Variants in RALGPS2 observed in about 807,000 individuals in gnomAD.
RALGPS2 encodes ras-specific guanine nucleotide-releasing factor RalGPS2.
Under a neutral mutation model 86.8 loss-of-function variants are expected in RALGPS2, and 43 were observed. The observed-to-expected ratio is 0.50, with a 90% CI of 0.39 to 0.64. RALGPS2 has a LOEUF of 0.64. Among genes scored for constraint, RALGPS2 ranks in the 30% least tolerant of loss-of-function variants. The probability of loss-of-function intolerance (pLI) is 0.00; values close to 1 mark genes in which losing one functional copy is unlikely to be tolerated. For synonymous variants in RALGPS2, 243 were observed against 231.3 expected (o/e 1.05, Z -0.46); for missense variants, 536 against 694.6 (o/e 0.77, Z 2.57).
At chr1:178,751,704 G>C (rs1433649186) in intron 1 of RALGPS2, among the ~76,000 whole-genome samples, 1 of 152,152 alleles carries the variant, frequency 6.6e-6, no homozygotes, top group Non-Finnish European at 1.5e-5. Flanking sequence ...GCAGGAAGGA[G>C]TAAGTGTATC....
intron 1 of RALGPS2, among the ~76,000 whole-genome samples, chr1:178,749,715 G>A (rs1651542281): frequency 1.3e-5 from 2 of 152,144 alleles, no homozygotes; most frequent in Non-Finnish European, 2.9e-5. Context: ...GCTCCAGAAG[G>A]CTGATGGCTA....
At chr1:178,751,919 G>A (rs1651702403) in intron 1 of RALGPS2, among the ~76,000 whole-genome samples, 1 of 151,772 alleles carries the variant, frequency 6.6e-6, no homozygotes, top group Admixed American at 6.6e-5. Flanking sequence ...AGCAAAAAAC[G>A]TTTTTTTTCC....
At chr1:178,802,256 A>G (rs968496273) in intron 4 of RALGPS2, among the ~76,000 whole-genome samples, 1 of 152,194 alleles carries the variant, frequency 6.6e-6, no homozygotes, top group Non-Finnish European at 1.5e-5. Flanking sequence ...AAATACATTT[A>G]CAGTACTGTA....
intron 1 of RALGPS2, among the ~76,000 whole-genome samples, chr1:178,743,610 G>A (rs191249846): frequency 3.3e-5 from 5 of 152,226 alleles, no homozygotes; most frequent in East Asian, 3.9e-4. Context: ...TGGCAACATC[G>A]ATAAAATTGA....
intron 10 of RALGPS2, 94 bp downstream of exon 10, chr1:178,879,086 T>C (rs1659118526): frequency 6.7e-7 from 1 of 1,497,758 alleles, no homozygotes; most frequent in African/African-American, 1.4e-5. Flanking sequence ...CTACATGGTA[T>C]CATACAAAGG....
chr1:178,750,385 T>G (rs1247828956), intron 1 of RALGPS2, among the ~76,000 whole-genome samples: 1 of 152,238 alleles, frequency 6.6e-6, no homozygotes, highest in East Asian at 1.9e-4. Flanking sequence ...TTGGCAAACC[T>G]TGCTCTAGGC....
chr1:178,860,911 CAGAT>C (rs1296832664), intron 8 of RALGPS2, among the ~76,000 whole-genome samples: 16 of 152,070 alleles, frequency 1.1e-4, no homozygotes, highest in African/African-American at 3.9e-4. Flanking sequence ...TTTTTCCAGA[CAGAT>C]GTAAAAATAA....
intron 1 of RALGPS2, among the ~76,000 whole-genome samples, chr1:178,731,280 T>TTTTTTTTTG: frequency 9.0e-6 from 1 of 111,252 alleles, no homozygotes; most frequent in African/African-American, 3.8e-5. Context: ...TGGTTTTTTT[T>TTTTTTTTTG]TTTTTTTTTT....
At chr1:178,837,051 G>A (rs759104052) in intron 8 of RALGPS2, among the ~76,000 whole-genome samples, 1 of 152,052 alleles carries the variant, frequency 6.6e-6, no homozygotes, top group Non-Finnish European at 1.5e-5. Context: ...AAAGTGCTGG[G>A]ATTACAGGTG....
intron 6 of RALGPS2, among the ~76,000 whole-genome samples, chr1:178,813,097 T>A (rs1489705967): frequency 1.3e-5 from 2 of 151,996 alleles, no homozygotes; most frequent in Non-Finnish European, 2.9e-5. Context: ...CACACCCGGC[T>A]AATTTTTGTA....
chr1:178,797,997 A>C (rs1654282723), intron 4 of RALGPS2, among the ~76,000 whole-genome samples: 1 of 151,504 alleles, frequency 6.6e-6, no homozygotes, highest in Non-Finnish European at 1.5e-5. Context: ...AAAAAAAAAA[A>C]AAAAAAAACC....
Position 178,865,186 on chromosome 1 carries a change from T to G in RALGPS2, c.608-12312T>G, listed in dbSNP as rs557641876. ...GGGAAAATATCCTCAAGCACTGTTC[T>G]TCCAACAAAGTGATCATCACAGATT... On this transcript the variant is annotated intron_variant, in intron 8 of 19. Transcript: ENST00000367635. The G allele has an allele frequency of 2.2e-5, 35 of 1,613,236 alleles. No individual in the cohort carries two copies. The South Asian group carries it at 3.2e-4, about 15-fold the overall frequency.
At chr1:178,892,926 G>T (rs1217694212) in intron 15 of RALGPS2, among the ~76,000 whole-genome samples, 1 of 152,010 alleles carries the variant, frequency 6.6e-6, no homozygotes, top group East Asian at 1.9e-4. Flanking sequence ...AACTTCAGAA[G>T]CAAACTTTAC....
intron 8 of RALGPS2, among the ~76,000 whole-genome samples, chr1:178,856,394 A>ATTTTTTTTTT (rs71108081): frequency 0.03 from 1,108 of 36,450 alleles, 273 homozygotes; most frequent in Non-Finnish European, 0.041. Context: ...TGCCTGGCTA[A>ATTTTTTTTTT]TTTTTTTTTT....
At chr1:178,809,582 A>T (rs1219870235) in intron 5 of RALGPS2, among the ~76,000 whole-genome samples, 1 of 152,116 alleles carries the variant, frequency 6.6e-6, no homozygotes, top group Non-Finnish European at 1.5e-5. Context: ...GATAGCAAAA[A>T]TACTTTTTCT....
At chr1:178,747,154 AGT>A (rs532622018) in intron 1 of RALGPS2, 6 of 1,003,758 alleles carry the variant, frequency 6.0e-6, no homozygotes, top group Non-Finnish European at 9.6e-6. Context: ...AAACAAGACA[AGT>A]GTCTACCAGA....
intron 5 of RALGPS2, 94 bp from the exon 6 acceptor site, chr1:178,811,221 G>A: frequency 2.5e-6 from 2 of 814,150 alleles, no homozygotes; most frequent in East Asian, 6.2e-5. Flanking sequence ...TAATTTTAGA[G>A]CTTACCTAAT....
At chr1:178,816,242 G>T (rs1006598532) in intron 6 of RALGPS2, among the ~76,000 whole-genome samples, 1 of 151,782 alleles carries the variant, frequency 6.6e-6, no homozygotes, top group African/African-American at 2.4e-5. Flanking sequence ...GCCAGTACTT[G>T]GTGTTTAATT....
intron 1 of RALGPS2, among the ~76,000 whole-genome samples, chr1:178,758,922 G>T (rs1652091844): frequency 6.6e-6 from 1 of 151,942 alleles, no homozygotes; most frequent in South Asian, 2.1e-4. Context: ...CAGAGTATTA[G>T]ATTTTTTTTT....
Sources: gnomAD v4.1 joint callset for allele counts (sites outside exome capture counted in the v4.1 genomes callset) on GRCh38, gnomAD v4.1.1 for gene constraint, MANE v1.5 for transcripts, NCBI Gene and HGNC (gene_info 2026-07-23, HGNC 2026-07-21) for gene names.